The following SPOCK1 variants were observed in gnomAD, a reference collection of about 807,000 sequenced individuals.
SPOCK1 encodes the protein SPARC (osteonectin), cwcv and kazal like domains proteoglycan 1.
A neutral mutation model predicts 55.3 loss-of-function variants in SPOCK1; 23 were observed. The ratio of observed to expected loss-of-function variants is 0.42; its 90% CI spans 0.30 to 0.59. The LOEUF (loss-of-function observed/expected upper bound fraction) is 0.59, where lower values mean the gene tolerates loss of function less well. Among genes scored for constraint, SPOCK1 ranks in the 20% least tolerant of loss-of-function variants. The probability of loss-of-function intolerance (pLI) is 0.22; values close to 1 mark genes in which losing one functional copy is unlikely to be tolerated. For synonymous variants in SPOCK1, 226 were observed against 221.0 expected (o/e 1.02, Z -0.20); for missense variants, 499 against 552.5 (o/e 0.90, Z 0.97).
At chr5:137,493,255 A>G (rs916424252) in intron 2 of SPOCK1, among the ~76,000 whole-genome samples, 4 of 152,188 alleles carry the variant, frequency 2.6e-5, no homozygotes, top group African/African-American at 7.2e-5. Flanking sequence ...AGAAATGATG[A>G]TACATTATTT....
intron 2 of SPOCK1, among the ~76,000 whole-genome samples, chr5:137,299,357 A>G (rs1757544640): frequency 6.6e-6 from 1 of 152,056 alleles, no homozygotes; most frequent in African/African-American, 2.4e-5. Flanking sequence ...ACCCCTTACA[A>G]ATCCAATAAA....
intron 2 of SPOCK1, among the ~76,000 whole-genome samples, chr5:137,491,317 G>C (rs1324917921): frequency 1.3e-5 from 2 of 152,160 alleles, no homozygotes; most frequent in African/African-American, 4.8e-5. Context: ...TCCCTGCTGG[G>C]TTCCCTCTGC....
In SPOCK1 at chr5:137,154,287, C is replaced by CA. The variant is rs200287172; in HGVS notation, c.233-13594dup. Among the ~76,000 whole-genome samples, 1,102 of 150,574 alleles carry CA rather than the reference C, an allele frequency of 7.3e-3. 16 individuals carry two copies. Among genetic ancestry groups the CA allele is most frequent in the African/African-American group, 0.025 (1,030 of 41,062 alleles). Reference sequence around the variant, plus strand: ...GGGCAACAAGAGCAAAACTCCATCTCAAAAAAAAAGAGTGATATAATAGAG... The same window carrying CA: ...GGGCAACAAGAGCAAAACTCCATCTCAAAAAAAAAAGAGTGATATAATAGAG... On this transcript the variant is annotated intron_variant, in intron 3 of 10. Coordinates refer to ENST00000394945, the MANE Select transcript of SPOCK1 (RefSeq NM_004598.4).
At chr5:137,131,989 A>AAAAAAAAAATAT (rs1391176339) in intron 4 of SPOCK1, among the ~76,000 whole-genome samples, 1 of 36,054 alleles carries the variant, frequency 2.8e-5, no homozygotes, top group Non-Finnish European at 4.3e-5. Flanking sequence ...AAAAAAAAAA[A>AAAAAAAAAATAT]ATATATATAT....
At chr5:137,127,296 A>T (rs1355524616) in intron 4 of SPOCK1, among the ~76,000 whole-genome samples, 1 of 152,236 alleles carries the variant, frequency 6.6e-6, no homozygotes, top group African/African-American at 2.4e-5. Flanking sequence ...CAGAAAGACC[A>T]CATTAGGGCA....
intron 3 of SPOCK1, among the ~76,000 whole-genome samples, chr5:137,198,175 C>G (rs903160058): frequency 6.6e-6 from 1 of 152,140 alleles, no homozygotes; most frequent in Non-Finnish European, 1.5e-5. Context: ...ATATTCTATT[C>G]TATAAAAGTA....
chr5:137,330,397 T>G (rs762532218), intron 2 of SPOCK1, among the ~76,000 whole-genome samples: 2 of 152,194 alleles, frequency 1.3e-5, no homozygotes, highest in African/African-American at 2.4e-5. Flanking sequence ...GCCAGTTTAA[T>G]TCACTCCTTA....
intron 3 of SPOCK1, among the ~76,000 whole-genome samples, chr5:137,174,038 A>G (rs1754805997): frequency 6.6e-6 from 1 of 152,242 alleles, no homozygotes; most frequent in Non-Finnish European, 1.5e-5. Context: ...GCTTTAAGAA[A>G]TTCACAAGCA....
At chr5:137,170,641 C>T (rs890391929) in intron 3 of SPOCK1, among the ~76,000 whole-genome samples, 5 of 150,872 alleles carry the variant, frequency 3.3e-5, no homozygotes, top group Non-Finnish European at 5.9e-5. Context: ...TAACAGAAGG[C>T]CATGTGTAAA....
rs1754358768 is a variant in SPOCK1, at chr5:137,498,562, C to A, written c.1-4G>T. 3.4e-6 allele frequency: 5 copies of A among 1,486,422 alleles called. No individual in the cohort carries two copies. Among genetic ancestry groups the A allele is most frequent in the Non-Finnish European group, 4.4e-6 (5 of 1,126,596 alleles). The allele number at this position is 1,486,422 out of a possible 1,614,324, so 92.1% of individuals were successfully genotyped here. ...CCAACACCGCGATCGCCGGCATCTGCGGGGCAGGGCGCGCAGGGCGATGAG... is the reference window on the plus strand; with the variant it reads ...CCAACACCGCGATCGCCGGCATCTGAGGGGCAGGGCGCGCAGGGCGATGAG... On this transcript the variant is annotated splice_polypyrimidine_tract_variant and splice_region_variant and intron_variant, in intron 1 of 10. Transcript: ENST00000394945.
chr5:137,111,173 G>A (rs1228803210), intron 5 of SPOCK1, among the ~76,000 whole-genome samples: 2 of 152,076 alleles, frequency 1.3e-5, no homozygotes, highest in Non-Finnish European at 2.9e-5. Context: ...TCCATGGTGT[G>A]AGGGTCAAGG....
At chr5:137,323,824 G>C (rs1396807352) in intron 2 of SPOCK1, among the ~76,000 whole-genome samples, 2 of 152,088 alleles carry the variant, frequency 1.3e-5, no homozygotes, top group Admixed American at 1.3e-4. Flanking sequence ...AAACACAAAA[G>C]ATAAGTGTCG....
At chr5:137,081,118 T>C (rs968906155) in intron 5 of SPOCK1, among the ~76,000 whole-genome samples, 1 of 152,210 alleles carries the variant, frequency 6.6e-6, no homozygotes, top group African/African-American at 2.4e-5. Flanking sequence ...CTGAGGGGCA[T>C]TCCAGGCCTG....
At chr5:137,317,915 C>T (rs1357062424) in intron 2 of SPOCK1, among the ~76,000 whole-genome samples, 2 of 152,162 alleles carry the variant, frequency 1.3e-5, no homozygotes, top group Non-Finnish European at 2.9e-5. Flanking sequence ...TCTCAGTAGA[C>T]ACTTTATTTT....
chr5:137,332,620 T>A (rs945532405), intron 2 of SPOCK1, among the ~76,000 whole-genome samples: 5 of 152,218 alleles, frequency 3.3e-5, no homozygotes, highest in African/African-American at 7.2e-5. Context: ...TTTGTGCAGA[T>A]AGCAAAGGTT....
Position 136,978,853 on chromosome 5 carries a change from T to G in SPOCK1, c.1130-9A>C, listed in dbSNP as rs1580690170. 1 of 1,597,150 alleles carries G rather than the reference T, an allele frequency of 6.3e-7. No homozygotes were observed. Among genetic ancestry groups the G allele is most frequent in the Non-Finnish European group, 8.5e-7 (1 of 1,173,492 alleles). ...GGTTTCCTGCTCCTCTTCTGAAAGA[T>G]TAAAAAAAGCATTGAGGTTAGTTTC... On this transcript the variant is annotated splice_polypyrimidine_tract_variant and intron_variant, in intron 10 of 10. Transcript: ENST00000394945.
intron 2 of SPOCK1, among the ~76,000 whole-genome samples, chr5:137,423,995 T>C (rs1752555991): frequency 6.6e-6 from 1 of 152,224 alleles, no homozygotes; most frequent in African/African-American, 2.4e-5. Context: ...ATTCATTTTT[T>C]TTTTCCATAC....
chr5:137,328,837 A>G (rs1031707817), intron 2 of SPOCK1, among the ~76,000 whole-genome samples: 1 of 152,124 alleles, frequency 6.6e-6, no homozygotes, highest in Non-Finnish European at 1.5e-5. Context: ...GTCTCTGTAT[A>G]CCATGGGATC....
chr5:137,488,653 A>T (rs1335656430), intron 2 of SPOCK1, among the ~76,000 whole-genome samples: 1 of 152,176 alleles, frequency 6.6e-6, no homozygotes. Context: ...TACAGCTGAA[A>T]TAAAAAGTAG....
Sources: allele counts gnomAD v4.1 joint callset (sites outside exome capture counted in the v4.1 genomes callset), GRCh38; gene constraint gnomAD v4.1.1; transcripts MANE v1.5; gene names NCBI Gene and HGNC (gene_info 2026-07-23, HGNC 2026-07-21).